ZNF385D: variants seen among roughly 807,000 people sequenced by gnomAD.
ZNF385D encodes the protein zinc finger protein 385D, also known as zinc finger protein 659.
Under a neutral mutation model 35.8 loss-of-function variants are expected in ZNF385D, and 15 were observed. The ratio of observed to expected loss-of-function variants is 0.42; its 90% CI spans 0.28 to 0.64. ZNF385D has a LOEUF of 0.64. ZNF385D is among the 30% of genes least tolerant of loss of function. ZNF385D has a pLI of 0.23. For synonymous variants in ZNF385D, 212 were observed against 186.8 expected, an observed-to-expected ratio of 1.13 and a Z score of -1.10; for missense variants, 474 against 494.6, an observed-to-expected ratio of 0.96 and a Z score of 0.39.
At chr3:21,440,653 C>T (rs1701814401) in intron 4 of ZNF385D, among the ~76,000 whole-genome samples, 1 of 152,044 alleles carries the variant, frequency 6.6e-6, no homozygotes. Flanking sequence ...GAGATGTTAA[C>T]AATAAGAGAA....
chr3:21,453,809 A>G (rs896709295), intron 4 of ZNF385D, among the ~76,000 whole-genome samples: 1 of 152,064 alleles, frequency 6.6e-6, no homozygotes, highest in African/African-American at 2.4e-5. Context: ...GTAGCTTCTC[A>G]AAAAGTTAAA....
At chr3:22,062,619 C>T (rs1699749423) in intron 3 of ZNF385D, among the ~76,000 whole-genome samples, 1 of 152,108 alleles carries the variant, frequency 6.6e-6, no homozygotes. Flanking sequence ...AATTCTGACC[C>T]CCTCGCCCCC....
At chr3:21,893,959 A>G (rs1030185091) in intron 3 of ZNF385D, among the ~76,000 whole-genome samples, 1 of 152,184 alleles carries the variant, frequency 6.6e-6, no homozygotes, top group African/African-American at 2.4e-5. Flanking sequence ...TGCCTTAGAT[A>G]ACTTACAAAA....
chr3:22,342,544 C>T (rs1695473969), intron 2 of ZNF385D, among the ~76,000 whole-genome samples: 1 of 152,056 alleles, frequency 6.6e-6, no homozygotes, highest in Admixed American at 6.6e-5. Flanking sequence ...CTCTGCAATA[C>T]TTTATGACAG....
chr3:21,738,892 T>C (rs2069374045), intron 1 of ZNF385D, among the ~76,000 whole-genome samples: 1 of 152,244 alleles, frequency 6.6e-6, no homozygotes, highest in Non-Finnish European at 1.5e-5. Flanking sequence ...TGTTGTTCAT[T>C]TGTTTTCTTG....
rs115705982 is a variant in ZNF385D at position 21,971,804 on chromosome 3, C to T, written c.325+197013G>A. ...CGTGCCACTGAAAGCCAAAAAAGAG[C>T]AGGAGTGGCTATCCTTATATTAGAC... is the stretch of plus-strand genomic sequence containing the variant. On this transcript the variant is annotated intron_variant, in intron 3 of 5. Transcript: ENST00000494108. Among the ~76,000 whole-genome samples, 363 of 151,762 alleles carry T rather than the reference C, an allele frequency of 2.4e-3. 4 individuals carry two copies. The highest frequency in any genetic ancestry group is 8.2e-3 in the African/African-American group (341 of 41,464).
intron 3 of ZNF385D, among the ~76,000 whole-genome samples, chr3:21,786,104 G>C (rs1395572852): frequency 2.6e-5 from 4 of 151,980 alleles, no homozygotes; most frequent in African/African-American, 9.7e-5. Flanking sequence ...CTAATGGAGA[G>C]GTTCTCAGAG....
At chr3:21,512,891 T>C (rs944182583) in intron 3 of ZNF385D, among the ~76,000 whole-genome samples, 1 of 152,188 alleles carries the variant, frequency 6.6e-6, no homozygotes, top group Non-Finnish European at 1.5e-5. Flanking sequence ...GGTCATCTTC[T>C]TTAGGCATCT....
chr3:22,296,748 C>T (rs956686949), intron 2 of ZNF385D, among the ~76,000 whole-genome samples: 2 of 152,040 alleles, frequency 1.3e-5, no homozygotes, highest in Admixed American at 6.6e-5. Flanking sequence ...GTGGCCTCTC[C>T]CTAAGGTTAG....
chr3:21,831,910 T>G (rs760472967), intron 3 of ZNF385D, among the ~76,000 whole-genome samples: 1 of 152,188 alleles, frequency 6.6e-6, no homozygotes, highest in Admixed American at 6.5e-5. Context: ...CTTAGAGACA[T>G]ATTTATACTT....
chr3:21,938,540 T>G (rs1488137515), intron 3 of ZNF385D, among the ~76,000 whole-genome samples: 1 of 152,178 alleles, frequency 6.6e-6, no homozygotes, highest in African/African-American at 2.4e-5. Flanking sequence ...ATGGGATTTT[T>G]CTCCACTCCC....
rs150385879 is a variant in ZNF385D at position 21,499,335 on chromosome 3, G to A, written c.439+11526C>T. Among the ~76,000 whole-genome samples the A allele has an allele frequency of 2.8e-3, 420 of 152,112 alleles. 1 individual carries two copies. Among genetic ancestry groups the A allele is most frequent in the Middle Eastern group, 0.01 (3 of 294 alleles). On this transcript the variant is annotated intron_variant, in intron 4 of 7. Coordinates refer to ENST00000281523, the MANE Select transcript of ZNF385D (RefSeq NM_024697.3). ...CAAGATCATGTCTTTGCAGCAATGT[G>A]GATGGAGGCGGGGGCCATTATCCTA...
chr3:22,015,623 G>A (rs1032357604), intron 3 of ZNF385D, among the ~76,000 whole-genome samples: 1 of 152,116 alleles, frequency 6.6e-6, no homozygotes, highest in Non-Finnish European at 1.5e-5. Flanking sequence ...ATGTGTGAGT[G>A]AACACAAACA....
At chr3:21,559,702 G>T (rs1453669554) in intron 3 of ZNF385D, among the ~76,000 whole-genome samples, 1 of 152,094 alleles carries the variant, frequency 6.6e-6, no homozygotes, top group Non-Finnish European at 1.5e-5. Flanking sequence ...TTTCAATGTT[G>T]GCCTGTCTTG....
At chr3:21,692,011 T>G (rs2067302431) in intron 1 of ZNF385D, among the ~76,000 whole-genome samples, 1 of 152,214 alleles carries the variant, frequency 6.6e-6, no homozygotes, top group African/African-American at 2.4e-5. Context: ...TTACTCCACT[T>G]AGCATAATGT....
exon 2 of ZNF385D, chr3:22,372,615 G>C (rs1248329824): frequency 4.5e-5 from 31 of 693,348 alleles, no homozygotes; most frequent in Non-Finnish European, 5.3e-5. Context: ...CCCGCCTGCA[G>C]CTTCAACGGC....
In ZNF385D at chr3:21,420,541, GA is replaced by G. The variant is rs1315181181; in HGVS notation, c.*672del. The G allele has an allele frequency of 1.3e-5, 2 of 152,164 alleles. No homozygotes were observed. The highest frequency in any genetic ancestry group is 3.9e-4 in the East Asian group (2 of 5,180). The allele number at this position is 152,164 out of a possible 1,614,324, so 9.4% of individuals were successfully genotyped here. On this transcript the variant is annotated 3_prime_UTR_variant, in exon 8 of 8. Coordinates refer to ENST00000281523, the MANE Select transcript of ZNF385D (RefSeq NM_024697.3). ...ACAGGAGGGGAGAATGCTGACCAGGGAGACCTCCATGACACCATCCGGTGTA... is the reference window on the plus strand; with the variant it reads ...ACAGGAGGGGAGAATGCTGACCAGGGGACCTCCATGACACCATCCGGTGTA...
chr3:22,113,285 G>A (rs1702635385), intron 3 of ZNF385D, among the ~76,000 whole-genome samples: 1 of 152,056 alleles, frequency 6.6e-6, no homozygotes, highest in African/African-American at 2.4e-5. Flanking sequence ...GATTTAACAT[G>A]AAGATAATAG....
chr3:21,559,032 C>A (rs1266663839), intron 3 of ZNF385D, among the ~76,000 whole-genome samples: 1 of 136,998 alleles, frequency 7.3e-6, no homozygotes, highest in Non-Finnish European at 1.5e-5. Context: ...GTAAATATTC[C>A]TCCTACCCTT....
Sources: gnomAD v4.1 joint callset for allele counts (sites outside exome capture counted in the v4.1 genomes callset) on GRCh38, gnomAD v4.1.1 for gene constraint, MANE v1.5 for transcripts, NCBI Gene and HGNC (gene_info 2026-07-23, HGNC 2026-07-21) for gene names.